UBXN8: variants seen among roughly 807,000 people sequenced by gnomAD.
UBXN8 encodes UBX domain protein 8.
A neutral mutation model predicts 32.1 loss-of-function variants in UBXN8; 27 were observed. The observed-to-expected ratio is 0.84, with a 90% CI of 0.62 to 1.16. UBXN8 has a LOEUF of 1.16. Ranked by LOEUF, UBXN8 falls within the 50% of genes most tolerant of loss-of-function variation. UBXN8 has a pLI of 0.00. For synonymous variants in UBXN8, 109 were observed against 111.8 expected (o/e 0.98, Z 0.16); for missense variants, 306 against 311.4 (o/e 0.98, Z 0.13).
chr8:30,762,613 G>A (rs902107938), intron 6 of UBXN8, among the ~76,000 whole-genome samples: 6 of 151,598 alleles, frequency 4.0e-5, no homozygotes, highest in African/African-American at 1.2e-4. Flanking sequence ...GGCTGGTCAC[G>A]AACTCCTGAC....
upstream of UBXN8, among the ~76,000 whole-genome samples, chr8:30,741,790 T>C (rs1474523741): frequency 6.6e-6 from 1 of 152,140 alleles, no homozygotes; most frequent in East Asian, 1.9e-4. Context: ...TCAAATTTAC[T>C]TACTGACAGG....
At chr8:30,730,178 C>A (rs1236225777), upstream of UBXN8, among the ~76,000 whole-genome samples, 2 of 152,192 alleles carry the variant, frequency 1.3e-5, no homozygotes, top group East Asian at 3.8e-4. Flanking sequence ...AAACCCCTCC[C>A]TTGGCAGCTC....
At position 30,746,510 on chromosome 8, in the gene UBXN8, G is replaced by A. The variant is rs1349338953; in HGVS notation, c.88+2233G>A. ...GTCAATACATTTTACTTGTACTTAA[G>A]CTAGATTTTTTTTTTCTTTTTTTTT... is the stretch of plus-strand genomic sequence containing the variant. On this transcript the variant is annotated intron_variant, in intron 1 of 7. Coordinates refer to ENST00000265616, the MANE Select transcript of UBXN8 (RefSeq NM_005671.4). Among the ~76,000 whole-genome samples, 8 of 137,284 alleles carry A rather than the reference G, an allele frequency of 5.8e-5. No homozygotes were observed. In the East Asian group the frequency reaches 1.6e-3, roughly 28 times the overall value. 90.1% of individuals were successfully genotyped at this position (137,284 alleles called of 152,430 possible). A position where few individuals can be genotyped will look rare whatever the true frequency, so the allele number is the denominator to read the frequency against.
chr8:30,730,888 G>A (rs1474091049), upstream of UBXN8, among the ~76,000 whole-genome samples: 2 of 152,216 alleles, frequency 1.3e-5, no homozygotes, highest in Non-Finnish European at 2.9e-5. Context: ...ATTAGAAATA[G>A]CTAACCAGGT....
chr8:30,764,357 A>G (rs963099355), intron 7 of UBXN8, among the ~76,000 whole-genome samples: 3 of 152,172 alleles, frequency 2.0e-5, no homozygotes. Flanking sequence ...TTTAGTAGAA[A>G]TGGGGTTTTG....
intron 1 of UBXN8, among the ~76,000 whole-genome samples, chr8:30,748,206 A>C (rs1005724168): frequency 5.9e-5 from 9 of 151,580 alleles, no homozygotes; most frequent in African/African-American, 2.2e-4. Flanking sequence ...GCTCACTGCA[A>C]CTTCCGCCTT....
At chr8:30,756,130 T>C (rs1365705392) in intron 4 of UBXN8, 2 of 151,956 alleles carry the variant, frequency 1.3e-5, no homozygotes, top group Non-Finnish European at 2.9e-5. Context: ...GTTCAAGCAA[T>C]TCTTCTGCCT....
At chr8:30,753,585 T>C (rs1327335822) in intron 3 of UBXN8, among the ~76,000 whole-genome samples, 1 of 152,096 alleles carries the variant, frequency 6.6e-6, no homozygotes, top group Non-Finnish European at 1.5e-5. Flanking sequence ...CAGTGACATT[T>C]AGTACATTCA....
At chr8:30,763,385 T>C (rs1329051708) in intron 7 of UBXN8, 38 bp downstream of exon 7, 1 of 1,590,602 alleles carries the variant, frequency 6.3e-7, no homozygotes, top group Non-Finnish European at 8.6e-7. Context: ...AATATCTTTG[T>C]TGAATATGGC....
intron 5 of UBXN8, among the ~76,000 whole-genome samples, chr8:30,757,845 G>A (rs1405984930): frequency 4.1e-5 from 6 of 146,096 alleles, no homozygotes; most frequent in Non-Finnish European, 9.0e-5. Context: ...GCGCGACAGA[G>A]TGAGACTCCG....
rs149333500 is a variant in UBXN8, at chr8:30,759,968, T to TAAATAAAATAAAATA, written c.529-889_529-875dup. Among the ~76,000 whole-genome samples, 1,206 of 141,654 alleles carry TAAATAAAATAAAATA rather than the reference T, an allele frequency of 8.5e-3. 25 individuals carry two copies. The highest frequency in any genetic ancestry group is 0.03 in the African/African-American group (1,116 of 37,062). The allele number at this position is 141,654 out of a possible 152,430, so 92.9% of individuals were successfully genotyped here. ...TGAGACTCCGTCTCAGAAAAATAAATAAATAAAATAAAATAAAATAAAATA... is the reference window on the plus strand; with the variant it reads ...TGAGACTCCGTCTCAGAAAAATAAATAAATAAAATAAAATAAAATAAAATAAAATAAAATAAAATA... On this transcript the variant is annotated intron_variant, in intron 5 of 7. Coordinates refer to ENST00000265616, the MANE Select transcript of UBXN8 (RefSeq NM_005671.4).
At chr8:30,731,373 T>C (rs1804953981), upstream of UBXN8, among the ~76,000 whole-genome samples, 1 of 152,126 alleles carries the variant, frequency 6.6e-6, no homozygotes, top group African/African-American at 2.4e-5. Flanking sequence ...ATCGGAGCCA[T>C]GGGAGTTTCA....
At chr8:30,758,900 T>TTTTTG (rs1805746455) in intron 5 of UBXN8, among the ~76,000 whole-genome samples, 1 of 121,998 alleles carries the variant, frequency 8.2e-6, no homozygotes, top group South Asian at 2.6e-4. Context: ...TTTTGTTTTT[T>TTTTTG]TTTTTTTTTT....
At chr8:30,731,413 TTGTAC>T (rs1804955129), upstream of UBXN8, among the ~76,000 whole-genome samples, 1 of 152,178 alleles carries the variant, frequency 6.6e-6, no homozygotes, top group Non-Finnish European at 1.5e-5. Context: ...TGCCCCGGAC[TTGTAC>T]TGTAGGAAGA....
At position 30,744,208 on chromosome 8, in the gene UBXN8, G is replaced by T. The variant is rs200535564; in HGVS notation, c.19G>T (p.Val7Phe). 1 of 1,613,750 alleles carries T rather than the reference G, an allele frequency of 6.2e-7. No individual in the cohort carries two copies. The highest frequency in any genetic ancestry group is 1.1e-5 in the South Asian group (1 of 90,946). MASRGV[V>F]GIFFLSAVPL... ...CGCCACCATGGCTTCACGTGGGGTT[G>T]TTGGCATTTTCTTCCTCTCTGCTGT... is the stretch of plus-strand genomic sequence containing the variant. Residue 7 changes from valine (V) to phenylalanine (F), a missense_variant, in exon 1 of 8, where the codon GTT (valine) becomes TTT (phenylalanine). By Grantham distance (50) the Val-to-Phe change is conservative. Coordinates refer to ENST00000265616, the MANE Select transcript of UBXN8 (RefSeq NM_005671.4).
intron 5 of UBXN8, among the ~76,000 whole-genome samples, chr8:30,759,085 G>A (rs1337774649): frequency 1.5e-4 from 22 of 151,068 alleles, no homozygotes. Flanking sequence ...AGTAGAGACA[G>A]GGTTCCATCG....
intron 1 of UBXN8, among the ~76,000 whole-genome samples, chr8:30,750,772 C>CA (rs11308328): frequency 0.038 from 4,631 of 122,626 alleles, 134 homozygotes; most frequent in African/African-American, 0.11. Context: ...GACTCTGTCT[C>CA]AAAAAAAAAA....
chr8:30,752,906 G>T (rs1324270583), intron 2 of UBXN8, 129 bp from the exon 3 acceptor site: 2 of 1,005,468 alleles, frequency 2.0e-6, no homozygotes, highest in Non-Finnish European at 2.7e-6. Context: ...AAATGACAAT[G>T]TGATGTGTTA....
chr8:30,766,020 A>AG (rs1447187999), intron 7 of UBXN8, among the ~76,000 whole-genome samples: 9 of 151,520 alleles, frequency 5.9e-5, no homozygotes. Context: ...CAAAAAAAAA[A>AG]AAAAAGAATA....
Sources: allele counts gnomAD v4.1 joint callset (sites outside exome capture counted in the v4.1 genomes callset), GRCh38; gene constraint gnomAD v4.1.1; transcripts MANE v1.5; gene names NCBI Gene and HGNC (gene_info 2026-07-23, HGNC 2026-07-21).